The following CCSER1 variants were observed in gnomAD, a reference collection of about 807,000 sequenced individuals.
The protein encoded by CCSER1 is coiled-coil serine rich protein 1, also known as serine-rich coiled-coil domain-containing protein 1.
In CCSER1, 41 loss-of-function variants were observed where a neutral mutation model predicts 82.0. The ratio of observed to expected loss-of-function variants is 0.50; its 90% CI spans 0.39 to 0.65. The LOEUF is 0.65. Among genes scored for constraint, CCSER1 ranks in the 30% least tolerant of loss-of-function variants. CCSER1 has a pLI of 0.00. For synonymous variants in CCSER1, 414 were observed against 383.9 expected (o/e 1.08, Z -0.92); for missense variants, 1,119 against 1,064.2 (o/e 1.05, Z -0.72).
Position 90,309,078 on chromosome 4 carries a change from A to G in CCSER1, c.794A>G (p.Glu265Gly). The G allele has an allele frequency of 6.2e-7, 1 of 1,613,880 alleles. No individual in the cohort carries two copies. Among genetic ancestry groups the G allele is most frequent in the Non-Finnish European group, 8.5e-7 (1 of 1,179,844 alleles). The stretch of plus-strand genomic sequence containing the variant: ...CCTTCAGAATTTTTAGCCTTGACTG[A>G]AGATTCTGTGTCTGAAATGGATGCA... ...QTPSEFLALT[E>G]DSVSEMDAFS... Residue 265 changes from glutamate (E) to glycine (G), a missense_variant, in exon 2 of 11, where the codon GAA (glutamate) becomes GGA (glycine). By Grantham distance (98) the Glu-to-Gly change is moderately conservative (BLOSUM62 -2). Coordinates refer to ENST00000509176, the MANE Select transcript of CCSER1 (RefSeq NM_001145065.2).
At chr4:91,042,045 A>G (rs752810974) in intron 9 of CCSER1, among the ~76,000 whole-genome samples, 7 of 152,298 alleles carry the variant, frequency 4.6e-5, no homozygotes, top group Admixed American at 2.0e-4. Context: ...GGAAGAATGA[A>G]CAAGATATTG....
intron 3 of CCSER1, among the ~76,000 whole-genome samples, chr4:90,331,521 A>C (rs1208009782): frequency 6.6e-6 from 1 of 152,212 alleles, no homozygotes; most frequent in Non-Finnish European, 1.5e-5. Flanking sequence ...TTCCTACCAG[A>C]GTCCTGAAAT....
intron 1 of CCSER1, among the ~76,000 whole-genome samples, chr4:90,128,947 GA>G (rs1443724471): frequency 6.6e-6 from 1 of 151,840 alleles, no homozygotes; most frequent in African/African-American, 2.4e-5. Context: ...TTTACAGGTA[GA>G]AAAAAATACT....
At chr4:91,217,589 C>CTT (rs1297132294) in intron 10 of CCSER1, among the ~76,000 whole-genome samples, 3 of 152,052 alleles carry the variant, frequency 2.0e-5, no homozygotes, top group African/African-American at 4.8e-5. Context: ...CATAAAGGTT[C>CTT]TCCAAGGCCC....
chr4:91,474,798 TATATATATATATATACAC>T (rs1450030358), intron 10 of CCSER1, among the ~76,000 whole-genome samples: 2 of 47,780 alleles, frequency 4.2e-5, no homozygotes, highest in African/African-American at 1.8e-4. Context: ...TATATATATA[TATATATATATATATACAC>T]ACACACACAC....
At position 91,160,710 on chromosome 4, in the gene CCSER1, G is replaced by C. The variant is rs142405675; in HGVS notation, c.2217+74716G>C. Among the ~76,000 whole-genome samples the C allele has an allele frequency of 9.3e-3, 1,419 of 152,232 alleles. 9 individuals carry two copies. The highest frequency in any genetic ancestry group is 0.022 in the African/African-American group (930 of 41,512). ...AAATGCCTTCTTTTGAGAAGTGTCT[G>C]TACATATCCTTTGCCCACTTTTTGA... On this transcript the variant is annotated intron_variant, in intron 10 of 10. Coordinates refer to ENST00000509176, the MANE Select transcript of CCSER1 (RefSeq NM_001145065.2).
At position 90,932,969 on chromosome 4, in the gene CCSER1, A is replaced by G. The variant is rs1182519337; in HGVS notation, c.2172+9522A>G. On this transcript the variant is annotated intron_variant, in intron 9 of 10. Transcript: ENST00000509176. Reference sequence around the variant, plus strand: ...AAGAAAGAAAGAAAGAAAGAAAGAAAGAAAGAAAGAAAGAGAAAGAAAGAA... The same window carrying G: ...AAGAAAGAAAGAAAGAAAGAAAGAAGGAAAGAAAGAAAGAGAAAGAAAGAA... Among the ~76,000 whole-genome samples, 33 of 41,348 alleles carry G rather than the reference A, an allele frequency of 8.0e-4. 3 individuals carry two copies. The highest frequency in any genetic ancestry group is 9.5e-4 in the Admixed American group (4 of 4,200). The allele number at this position is 41,348 out of a possible 152,430, so 27.1% of individuals were successfully genotyped here.
intron 5 of CCSER1, among the ~76,000 whole-genome samples, chr4:90,533,066 T>C (rs962340902): frequency 2.0e-5 from 3 of 150,520 alleles, no homozygotes; most frequent in Non-Finnish European, 4.4e-5. Flanking sequence ...CAAATTTGAA[T>C]ATGCAAAATT....
At chr4:91,321,181 G>C (rs1746170373) in intron 10 of CCSER1, among the ~76,000 whole-genome samples, 1 of 152,076 alleles carries the variant, frequency 6.6e-6, no homozygotes, top group African/African-American at 2.4e-5. Context: ...ACGCTAAACA[G>C]TCTTTTTCAA....
intron 9 of CCSER1, among the ~76,000 whole-genome samples, chr4:90,946,701 A>C (rs1732293853): frequency 1.3e-5 from 2 of 152,088 alleles, no homozygotes; most frequent in South Asian, 4.1e-4. Flanking sequence ...AAGGCTGTTC[A>C]TGTCAAACAA....
At chr4:90,446,818 C>CTCCTCT (rs1760724282) in intron 4 of CCSER1, among the ~76,000 whole-genome samples, 1 of 152,148 alleles carries the variant, frequency 6.6e-6, no homozygotes, top group South Asian at 2.1e-4. Flanking sequence ...ATACCGGCCT[C>CTCCTCT]TCCTCTTCCT....
intron 9 of CCSER1, among the ~76,000 whole-genome samples, chr4:91,010,282 C>T (rs1326237334): frequency 2.0e-5 from 3 of 152,144 alleles, no homozygotes; most frequent in Non-Finnish European, 2.9e-5. Context: ...CACTGATAGT[C>T]TGATGGAGAT....
intron 9 of CCSER1, among the ~76,000 whole-genome samples, chr4:91,016,233 TAAC>T (rs1202100354): frequency 5.3e-5 from 8 of 152,120 alleles, no homozygotes; most frequent in South Asian, 4.1e-4. Context: ...AAATTAATAT[TAAC>T]AAAATAAATT....
chr4:90,715,768 A>G (rs1741526697), intron 6 of CCSER1, among the ~76,000 whole-genome samples: 1 of 152,086 alleles, frequency 6.6e-6, no homozygotes, highest in African/African-American at 2.4e-5. Flanking sequence ...GTATACTGGT[A>G]GAATCTCTAT....
intron 10 of CCSER1, among the ~76,000 whole-genome samples, chr4:91,160,785 G>A (rs1274437032): frequency 3.3e-5 from 5 of 151,970 alleles, no homozygotes; most frequent in African/African-American, 4.8e-5. Flanking sequence ...TAAGTTCTTT[G>A]TAGATTCTGG....
At chr4:90,363,664 A>G (rs2153520094) in intron 3 of CCSER1, among the ~76,000 whole-genome samples, 1 of 152,300 alleles carries the variant, frequency 6.6e-6, no homozygotes, top group African/African-American at 2.4e-5. Flanking sequence ...AAGAAGCTAA[A>G]GAAAATTGTC....
intron 1 of CCSER1, among the ~76,000 whole-genome samples, chr4:90,268,407 A>G: frequency 6.6e-6 from 1 of 152,184 alleles, no homozygotes; most frequent in Non-Finnish European, 1.5e-5. Context: ...ATACGAAGTT[A>G]AAGTGCAGAG....
chr4:90,948,541 C>T (rs1732533495), intron 9 of CCSER1, among the ~76,000 whole-genome samples: 1 of 151,748 alleles, frequency 6.6e-6, no homozygotes, highest in Non-Finnish European at 1.5e-5. Flanking sequence ...TTTATTGTCA[C>T]AATTTAAAAT....
intron 10 of CCSER1, among the ~76,000 whole-genome samples, chr4:91,090,583 G>C (rs919024750): frequency 4.6e-5 from 7 of 152,126 alleles, no homozygotes; most frequent in African/African-American, 1.4e-4. Flanking sequence ...AATTGTCAGG[G>C]TGGTTCTTTT....
Sources: gnomAD v4.1 joint callset for allele counts (sites outside exome capture counted in the v4.1 genomes callset) on GRCh38, gnomAD v4.1.1 for gene constraint, MANE v1.5 for transcripts, NCBI Gene and HGNC (gene_info 2026-07-23, HGNC 2026-07-21) for gene names.